PRKG1: variants seen among roughly 807,000 people sequenced by gnomAD.
The protein encoded by PRKG1 is cGMP-dependent protein kinase 1.
PRKG1 carries 35 observed loss-of-function variants against 88.1 expected under a neutral mutation model. That is an observed-to-expected ratio of 0.40 (90% CI 0.30 to 0.53). The LOEUF is 0.53. PRKG1 is among the 20% of genes least tolerant of loss of function. The probability of loss-of-function intolerance (pLI) is 0.59; values close to 1 mark genes in which losing one functional copy is unlikely to be tolerated. For missense variants in PRKG1, 540 were observed against 839.8 expected (o/e 0.64, Z 4.41); for synonymous variants, 303 against 292.5 (o/e 1.04, Z -0.37).
chr10:51,751,309 C>T (rs1837719660), intron 3 of PRKG1, among the ~76,000 whole-genome samples: 1 of 152,168 alleles, frequency 6.6e-6, no homozygotes, highest in Non-Finnish European at 1.5e-5. Flanking sequence ...GCGATCTCGG[C>T]TCACTGCAAC....
At chr10:51,755,109 C>T (rs1311542020) in intron 3 of PRKG1, among the ~76,000 whole-genome samples, 1 of 151,708 alleles carries the variant, frequency 6.6e-6, no homozygotes, top group African/African-American at 2.4e-5. Flanking sequence ...CAATTTAATA[C>T]TTATTTACTG....
At chr10:51,245,138 A>G (rs995138859) in intron 2 of PRKG1, 5 of 152,080 alleles carry the variant, frequency 3.3e-5, no homozygotes, top group African/African-American at 7.2e-5. Flanking sequence ...TTGCTCTCCT[A>G]TTGAAAAGAA....
intron 2 of PRKG1, among the ~76,000 whole-genome samples, chr10:51,234,253 TCAGA>T (rs1838922020): frequency 6.6e-6 from 1 of 152,136 alleles, no homozygotes; most frequent in Non-Finnish European, 1.5e-5. Context: ...TCTTTCTGTG[TCAGA>T]CAATTTTCTT....
chr10:51,230,806 A>G (rs905368082), intron 2 of PRKG1, among the ~76,000 whole-genome samples: 2 of 152,034 alleles, frequency 1.3e-5, no homozygotes, highest in Non-Finnish European at 2.9e-5. Flanking sequence ...AAGCCTGCAC[A>G]TGTTCAGTAC....
chr10:51,370,515 T>C (rs1842682703), intron 2 of PRKG1, among the ~76,000 whole-genome samples: 1 of 149,602 alleles, frequency 6.7e-6, no homozygotes, highest in African/African-American at 2.5e-5. Context: ...TGTGTGTATG[T>C]GTGTGTGTGT....
At chr10:51,040,309 C>CTTTTTTT (rs1222819203) in intron 1 of PRKG1, among the ~76,000 whole-genome samples, 1 of 65,708 alleles carries the variant, frequency 1.5e-5, no homozygotes, top group Non-Finnish European at 3.3e-5. Context: ...TTTTCTTTTT[C>CTTTTTTT]TCTTTTTTTT....
chr10:51,001,659 C>A (rs1337180877), intron 1 of PRKG1, among the ~76,000 whole-genome samples: 1 of 152,126 alleles, frequency 6.6e-6, no homozygotes, highest in Non-Finnish European at 1.5e-5. Flanking sequence ...TTCAGGTCAT[C>A]TCCCCTATGG....
chr10:51,238,938 A>G (rs1325122702), intron 2 of PRKG1, among the ~76,000 whole-genome samples: 1 of 151,566 alleles, frequency 6.6e-6, no homozygotes, highest in Non-Finnish European at 1.5e-5. Flanking sequence ...TAATTTTGGT[A>G]TGTTTAGACC....
intron 7 of PRKG1, among the ~76,000 whole-genome samples, chr10:52,129,273 T>A (rs78868503): frequency 0.03 from 4,629 of 152,290 alleles, 208 homozygotes; most frequent in African/African-American, 0.1. Context: ...TTGTATTATA[T>A]GAATATGTAA....
At chr10:51,644,243 C>G (rs148685795) in intron 3 of PRKG1, among the ~76,000 whole-genome samples, 1 of 152,108 alleles carries the variant, frequency 6.6e-6, no homozygotes, top group Admixed American at 6.5e-5. Context: ...TGGATCTAAA[C>G]TCTGGATCAA....
intron 3 of PRKG1, among the ~76,000 whole-genome samples, chr10:51,516,480 T>C (rs910648049): frequency 6.6e-6 from 1 of 152,032 alleles, no homozygotes; most frequent in African/African-American, 2.4e-5. Context: ...CACACAGGGA[T>C]AGAAGTTCCC....
chr10:51,628,842 C>G (rs1330309579), intron 3 of PRKG1, among the ~76,000 whole-genome samples: 2 of 151,638 alleles, frequency 1.3e-5, no homozygotes, highest in African/African-American at 4.8e-5. Flanking sequence ...GCCTGTGGTC[C>G]CAGCTACTCG....
chr10:52,278,292 G>A (rs528074626), intron 12 of PRKG1, among the ~76,000 whole-genome samples: 94 of 152,164 alleles, frequency 6.2e-4, no homozygotes, highest in African/African-American at 2.1e-3. Flanking sequence ...TTAGAATGAC[G>A]ATCATTAAAA....
At position 52,227,108 on chromosome 10, in the gene PRKG1, C is replaced by T. The variant is rs1396355232; in HGVS notation, c.1077-24462C>T. Among the ~76,000 whole-genome samples, 3 of 152,202 alleles carry T rather than the reference C, an allele frequency of 2.0e-5. No homozygotes were observed. The East Asian group carries it at 5.8e-4, about 29-fold the overall frequency. ...ATTTTAATTAATGAATTATCATAAT[C>T]AAAGCAAGACAGTATATGAAAGCAG... On this transcript the variant is annotated intron_variant, in intron 9 of 17. Transcript: ENST00000373980.
At chr10:52,249,161 T>G (rs1333867804) in intron 9 of PRKG1, among the ~76,000 whole-genome samples, 1 of 149,310 alleles carries the variant, frequency 6.7e-6, no homozygotes, top group Non-Finnish European at 1.5e-5. Flanking sequence ...AGAACTATTG[T>G]TTATTCCTAT....
intron 2 of PRKG1, among the ~76,000 whole-genome samples, chr10:51,194,029 T>C (rs1837697215): frequency 6.6e-6 from 1 of 152,162 alleles, no homozygotes. Flanking sequence ...TAGTCTTAAA[T>C]TATGACCTTC....
At chr10:52,279,702 T>C (rs1420561890) in intron 12 of PRKG1, among the ~76,000 whole-genome samples, 4 of 152,142 alleles carry the variant, frequency 2.6e-5, no homozygotes, top group Non-Finnish European at 4.4e-5. Flanking sequence ...CAGAGACTCA[T>C]GAAAGCAAGC....
chr10:51,061,053 A>G (rs1843686110), intron 1 of PRKG1, among the ~76,000 whole-genome samples: 1 of 41,022 alleles, frequency 2.4e-5, no homozygotes, highest in Non-Finnish European at 4.8e-5. Flanking sequence ...ACTGTGTTAT[A>G]CCTAGGGGTG....
At chr10:52,109,531 C>T (rs571480722) in intron 7 of PRKG1, among the ~76,000 whole-genome samples, 42 of 152,190 alleles carry the variant, frequency 2.8e-4, no homozygotes, top group African/African-American at 9.2e-4. Context: ...CTTCGGGAGG[C>T]CGAGGTGGGC....
Sources: gnomAD v4.1 joint callset for allele counts (sites outside exome capture counted in the v4.1 genomes callset) on GRCh38, gnomAD v4.1.1 for gene constraint, MANE v1.5 for transcripts, NCBI Gene and HGNC (gene_info 2026-07-23, HGNC 2026-07-21) for gene names.